The following EXOC2 variants were observed in gnomAD, a reference collection of about 807,000 sequenced individuals.
The protein encoded by EXOC2 is exocyst complex component 2.
In EXOC2, 70 loss-of-function variants were observed where a neutral mutation model predicts 131.8. That is an observed-to-expected ratio of 0.53 (90% CI 0.44 to 0.65). The LOEUF is 0.65. EXOC2 is among the 30% of genes least tolerant of loss of function. The pLI, the probability that EXOC2 is intolerant of heterozygous loss-of-function variation, is 0.00. For synonymous variants in EXOC2, 411 were observed against 398.4 expected, an observed-to-expected ratio of 1.03 and a Z score of -0.38; for missense variants, 923 against 1,108.6, an observed-to-expected ratio of 0.83 and a Z score of 2.38.
At chr6:652,865 T>C (rs1762895607) in intron 1 of EXOC2, among the ~76,000 whole-genome samples, 1 of 152,234 alleles carries the variant, frequency 6.6e-6, no homozygotes, top group African/African-American at 2.4e-5. Flanking sequence ...AATTGAAGGT[T>C]TGTGACAACC....
At chr6:490,934 A>G (rs1763392655) in intron 26 of EXOC2, among the ~76,000 whole-genome samples, 191 bp downstream of exon 26, 1 of 152,250 alleles carries the variant, frequency 6.6e-6, no homozygotes, top group South Asian at 2.1e-4. Context: ...ATTTGTCAGT[A>G]GTAAATGAAA....
intron 5 of EXOC2, among the ~76,000 whole-genome samples, chr6:618,356 A>C (rs1192857820): frequency 6.6e-6 from 1 of 152,228 alleles, no homozygotes; most frequent in Admixed American, 6.5e-5. Flanking sequence ...AACTTAAATA[A>C]CTAGGAAGAC....
rs1247154022 is a variant in EXOC2, at chr6:637,673, G to A, written c.118+28C>T. On this transcript the variant is annotated intron_variant, in intron 2 of 27. Transcript: ENST00000230449. ...TGTCCACATAAAAATCCGATTAGCA[G>A]GGTGCGTCGCAGGGCCTCTGCCCTT... 6 of 1,549,816 alleles carry A rather than the reference G, an allele frequency of 3.9e-6. No individual in the cohort carries two copies. In the African/African-American group the frequency reaches 6.9e-5, roughly 18 times the overall value.
chr6:548,264 A>G (rs147608486), intron 22 of EXOC2, among the ~76,000 whole-genome samples: 20 of 152,326 alleles, frequency 1.3e-4, no homozygotes, highest in African/African-American at 4.8e-4. Context: ...TGAAAAAAAA[A>G]TCCCAATGTA....
intron 1 of EXOC2, among the ~76,000 whole-genome samples, chr6:681,406 C>G (rs183624526): frequency 1.3e-5 from 2 of 152,152 alleles, no homozygotes; most frequent in Non-Finnish European, 2.9e-5. Context: ...CAGAATTACA[C>G]GAAAACCAGA....
chr6:670,245 C>T (rs1763803755), intron 1 of EXOC2: 1 of 152,236 alleles, frequency 6.6e-6, no homozygotes, highest in Non-Finnish European at 1.5e-5. Context: ...TTCAGTTCAG[C>T]ATCCACACAA....
chr6:569,518 G>A (rs1042229647), intron 13 of EXOC2, among the ~76,000 whole-genome samples: 1 of 149,926 alleles, frequency 6.7e-6, no homozygotes, highest in Admixed American at 6.6e-5. Context: ...AAACTATCAT[G>A]CTTTCTTGTG....
intron 10 of EXOC2, among the ~76,000 whole-genome samples, chr6:597,733 G>T (rs1475787293): frequency 3.3e-5 from 5 of 152,140 alleles, no homozygotes; most frequent in Non-Finnish European, 5.9e-5. Context: ...CACTAGGCAA[G>T]GTACCCCTTT....
In EXOC2 at chr6:652,529, C is replaced by T. The variant is rs549345328; in HGVS notation, c.-43-14668G>A. 3.3e-5 allele frequency among the ~76,000 whole-genome samples: 5 copies of T among 152,272 alleles called. No homozygotes were observed. The South Asian group carries it at 8.3e-4, about 25-fold the overall frequency. On this transcript the variant is annotated intron_variant, in intron 1 of 27. Coordinates refer to ENST00000230449, the MANE Select transcript of EXOC2 (RefSeq NM_018303.6). Reference sequence around the variant, plus strand: ...GCCAAGTTAATGGCTTATCTTACTGCATAAGCCACCAAAAAAACTAAACTA... The same window carrying T: ...GCCAAGTTAATGGCTTATCTTACTGTATAAGCCACCAAAAAAACTAAACTA...
intron 3 of EXOC2, among the ~76,000 whole-genome samples, chr6:631,854 G>T (rs1246040572): frequency 6.6e-6 from 1 of 152,004 alleles, no homozygotes; most frequent in South Asian, 2.1e-4. Flanking sequence ...AGTCCACTCT[G>T]AATTTTCCCT....
At chr6:674,715 T>C (rs1355877391) in intron 1 of EXOC2, among the ~76,000 whole-genome samples, 1 of 137,562 alleles carries the variant, frequency 7.3e-6, no homozygotes, top group Non-Finnish European at 1.6e-5. Context: ...ATTAACCATG[T>C]TTGTTTGTTT....
intron 22 of EXOC2, among the ~76,000 whole-genome samples, chr6:535,744 C>T (rs952117128): frequency 1.3e-4 from 20 of 152,142 alleles, no homozygotes; most frequent in African/African-American, 4.6e-4. Context: ...AATTATAGCA[C>T]ACACAAACAT....
chr6:690,828 C>A (rs1259449857), intron 1 of EXOC2, among the ~76,000 whole-genome samples: 4 of 152,324 alleles, frequency 2.6e-5, no homozygotes, highest in Non-Finnish European at 5.9e-5. Context: ...CACACTATCA[C>A]CATGTGATTT....
intron 11 of EXOC2, among the ~76,000 whole-genome samples, chr6:579,475 C>T (rs942873995): frequency 6.6e-6 from 1 of 152,148 alleles, no homozygotes; most frequent in African/African-American, 2.4e-5. Context: ...AGCACATGCC[C>T]CTCCGGACTA....
At chr6:516,647 A>AT (rs1765180288) in intron 23 of EXOC2, among the ~76,000 whole-genome samples, 1 of 152,254 alleles carries the variant, frequency 6.6e-6, no homozygotes. Context: ...CCAGGAGGAA[A>AT]TAATAGCTGG....
intron 1 of EXOC2, among the ~76,000 whole-genome samples, chr6:690,678 A>T (rs974273947): frequency 2.0e-5 from 3 of 152,224 alleles, no homozygotes; most frequent in Non-Finnish European, 2.9e-5. Flanking sequence ...ACTTCAGCCT[A>T]GGCAACAGGG....
intron 1 of EXOC2, among the ~76,000 whole-genome samples, chr6:649,948 A>C (rs1762757498): frequency 6.6e-6 from 1 of 152,154 alleles, no homozygotes; most frequent in Admixed American, 6.5e-5. Context: ...ATAATTTGTA[A>C]ACTTGAGACT....
chr6:558,099 C>A (rs1385111217), intron 17 of EXOC2, among the ~76,000 whole-genome samples: 1 of 152,126 alleles, frequency 6.6e-6, no homozygotes, highest in East Asian at 1.9e-4. Flanking sequence ...CTCTCTTCAA[C>A]ACATGCATTA....
intron 4 of EXOC2, among the ~76,000 whole-genome samples, chr6:627,243 CAAAAAAA>C (rs144043704): frequency 8.4e-6 from 1 of 118,928 alleles, no homozygotes; most frequent in African/African-American, 3.2e-5. Flanking sequence ...TGACAGTATC[CAAAAAAA>C]AAAAAAAAAA....
Sources: gnomAD v4.1 joint callset for allele counts (sites outside exome capture counted in the v4.1 genomes callset) on GRCh38, gnomAD v4.1.1 for gene constraint, MANE v1.5 for transcripts, NCBI Gene and HGNC (gene_info 2026-07-23, HGNC 2026-07-21) for gene names.